Variants in GDPD5 observed in about 807,000 individuals in gnomAD.
GDPD5 encodes the protein glycerophosphodiester phosphodiesterase 2.
In GDPD5, 48 loss-of-function variants were observed where a neutral mutation model predicts 75.1. The observed-to-expected ratio is 0.64, with a 90% CI of 0.51 to 0.81. The LOEUF is 0.81. Ranked by LOEUF, GDPD5 falls within the 40% of genes least tolerant of loss-of-function variation. The probability of loss-of-function intolerance (pLI) is 0.00; values close to 1 mark genes in which losing one functional copy is unlikely to be tolerated. For synonymous variants in GDPD5, 336 were observed against 339.0 expected (o/e 0.99, Z 0.10); for missense variants, 706 against 822.6 (o/e 0.86, Z 1.73).
chr11:75,521,279 ACCTTGT>A (rs1941445234), intron 1 of GDPD5, among the ~76,000 whole-genome samples: 1 of 152,168 alleles, frequency 6.6e-6, no homozygotes, highest in Admixed American at 6.5e-5. Context: ...TTGAGAAAAA[ACCTTGT>A]CCAGGCTTTT....
chr11:75,441,003 T>G (rs978473389), intron 14 of GDPD5, among the ~76,000 whole-genome samples, 160 bp downstream of exon 14: 1 of 152,174 alleles, frequency 6.6e-6, no homozygotes, highest in Non-Finnish European at 1.5e-5. Context: ...CCAGATGCCA[T>G]GAAACCCTCA....
At chr11:75,450,123 C>G (rs1278007168) in intron 6 of GDPD5, 140 bp from the exon 7 acceptor site, 2 of 653,522 alleles carry the variant, frequency 3.1e-6, no homozygotes, top group Non-Finnish European at 5.3e-6. Context: ...AGGAAAGAGA[C>G]AGGCATGGGC....
At chr11:75,480,397 GC>G (rs955111650) in intron 2 of GDPD5, among the ~76,000 whole-genome samples, 3 of 151,774 alleles carry the variant, frequency 2.0e-5, no homozygotes, top group African/African-American at 7.3e-5. Context: ...TTGCTCTGTT[GC>G]CCAAGCTGGT....
chr11:75,524,630 C>A (rs1941592686), intron 1 of GDPD5, among the ~76,000 whole-genome samples: 1 of 152,198 alleles, frequency 6.6e-6, no homozygotes, highest in Admixed American at 6.5e-5. Context: ...CAGATAAGCA[C>A]GTCTCAGGAC....
chr11:75,493,229 T>TCACA (rs71036055), intron 1 of GDPD5, among the ~76,000 whole-genome samples: 7,315 of 140,702 alleles, frequency 0.052, 316 homozygotes, highest in African/African-American at 0.11. Context: ...CCCACACATC[T>TCACA]CACACACACA....
Position 75,468,318 on chromosome 11 carries a change from C to T in GDPD5, c.118-5429G>A, listed in dbSNP as rs186870522. ...TGCCTGTCCCCTTGCCCTGAGGCAG[C>T]GAGCGTGTCTGCAGCCTCCAGGACA... On this transcript the variant is annotated intron_variant, in intron 3 of 16. Transcript: ENST00000336898. 1.8e-4 allele frequency among the ~76,000 whole-genome samples: 28 copies of T among 152,270 alleles called. No homozygotes were observed. The East Asian group carries it at 3.5e-3, about 19-fold the overall frequency.
At chr11:75,496,779 C>CTTTTTTTTTT (rs544914858) in intron 1 of GDPD5, among the ~76,000 whole-genome samples, 3 of 103,132 alleles carry the variant, frequency 2.9e-5, no homozygotes, top group South Asian at 3.3e-4. Context: ...TTCTTTCTTT[C>CTTTTTTTTTT]TTTTTTTTTT....
At position 75,442,400 on chromosome 11, in the gene GDPD5, A is replaced by G. The variant is rs758804960; in HGVS notation, c.1130T>C (p.Leu377Pro). 1 of 1,589,942 alleles carries G rather than the reference A, an allele frequency of 6.3e-7. No individual in the cohort carries two copies. Among genetic ancestry groups the G allele is most frequent in the Admixed American group, 1.8e-5 (1 of 56,176 alleles). The change falls in exon 12 of 17, where the codon CTG becomes CCG. Residue 377 changes from leucine to proline, a missense_variant. By Grantham distance (98) the Leu-to-Pro change is moderately conservative (BLOSUM62 -3). Transcript: ENST00000336898. ...PYRSSFINVT[L>P]EAVLHSGFPQ... ...GAAGCCGGAGTGCAGCACGGCCTCC[A>G]GAGTCACGTTGATAAAACTGCTGCG...
intron 10 of GDPD5, among the ~76,000 whole-genome samples, chr11:75,444,122 T>A (rs1948916699): frequency 6.6e-6 from 1 of 152,250 alleles, no homozygotes; most frequent in Admixed American, 6.5e-5. Flanking sequence ...AATGTATCAC[T>A]CTGCAACTTG....
intron 1 of GDPD5, among the ~76,000 whole-genome samples, chr11:75,496,495 C>T (rs754823775): frequency 6.6e-6 from 1 of 152,182 alleles, no homozygotes; most frequent in Non-Finnish European, 1.5e-5. Flanking sequence ...TGGGACCTGC[C>T]CAGATCCCCT....
At chr11:75,463,738 T>C (rs1463489488) in intron 3 of GDPD5, among the ~76,000 whole-genome samples, 1 of 152,212 alleles carries the variant, frequency 6.6e-6, no homozygotes, top group Non-Finnish European at 1.5e-5. Flanking sequence ...GCTATGTTTC[T>C]AAACCATCCC....
chr11:75,508,724 G>A (rs1448001971), intron 1 of GDPD5, among the ~76,000 whole-genome samples: 1 of 152,162 alleles, frequency 6.6e-6, no homozygotes, highest in African/African-American at 2.4e-5. Flanking sequence ...GCGGAGGGAG[G>A]ATCTGTGATG....
At chr11:75,454,632 C>A (rs1003286322) in intron 6 of GDPD5, among the ~76,000 whole-genome samples, 1 of 152,160 alleles carries the variant, frequency 6.6e-6, no homozygotes, top group Non-Finnish European at 1.5e-5. Context: ...GGATGGATAC[C>A]AACAGGGATG....
intron 16 of GDPD5, among the ~76,000 whole-genome samples, chr11:75,436,661 C>G (rs1407453446): frequency 6.6e-6 from 1 of 152,180 alleles, no homozygotes; most frequent in Non-Finnish European, 1.5e-5. Context: ...ACTCCTCTCC[C>G]TACCCCACCC....
At chr11:75,516,798 C>T (rs1197366456) in intron 1 of GDPD5, among the ~76,000 whole-genome samples, 1 of 152,216 alleles carries the variant, frequency 6.6e-6, no homozygotes, top group African/African-American at 2.4e-5. Context: ...ACAACTCGTG[C>T]TCAAAGAGAT....
chr11:75,441,769 A>G lies in GDPD5; in HGVS notation c.1202T>C (p.Val401Ala). ...MWLPSRQRPL[V>A]RKVAPGFQQT... Reference sequence around the variant, plus strand: ...TTGGAAGCCGGGAGCCACCTTCCGCACCAGGGGCCTCTGCCTGCTAGGCAG... The same window carrying G: ...TTGGAAGCCGGGAGCCACCTTCCGCGCCAGGGGCCTCTGCCTGCTAGGCAG... Residue 401 changes from valine to alanine, a missense_variant, in exon 13 of 17, where the codon GTG (valine) becomes GCG (alanine). Physicochemically the swap from Val to Ala is moderately conservative, Grantham distance 64. Transcript: ENST00000336898. 3 of 1,610,724 alleles carry G rather than the reference A, an allele frequency of 1.9e-6. No homozygotes were observed. The highest frequency in any genetic ancestry group is 2.5e-6 in the Non-Finnish European group (3 of 1,179,840).
intron 3 of GDPD5, among the ~76,000 whole-genome samples, chr11:75,465,296 G>A (rs1444606823): frequency 6.6e-6 from 1 of 152,156 alleles, no homozygotes; most frequent in African/African-American, 2.4e-5. Context: ...TCACACAGCT[G>A]GAGCCTCCAT....
At position 75,509,805 on chromosome 11, in the gene GDPD5, G is replaced by A. The variant is rs534553010; in HGVS notation, c.-145+15405C>T. Among the ~76,000 whole-genome samples, 14 of 152,220 alleles carry A rather than the reference G, an allele frequency of 9.2e-5. No homozygotes were observed. In the East Asian group the frequency reaches 1.4e-3, roughly 15 times the overall value. ...AGCGATTCTCCTGCCTCAGCCTCCC[G>A]AGGAGCTGGGATTACAGGCACGCAC... is the stretch of plus-strand genomic sequence containing the variant. On this transcript the variant is annotated intron_variant, in intron 1 of 16. Coordinates refer to ENST00000336898, the MANE Select transcript of GDPD5 (RefSeq NM_030792.8).
chr11:75,474,417 T>C (rs1949736424), intron 3 of GDPD5, among the ~76,000 whole-genome samples: 1 of 152,182 alleles, frequency 6.6e-6, no homozygotes, highest in South Asian at 2.1e-4. Flanking sequence ...ATTAGAGTAA[T>C]GAGTCACAGA....
Sources: gnomAD v4.1 joint callset for allele counts (sites outside exome capture counted in the v4.1 genomes callset) on GRCh38, gnomAD v4.1.1 for gene constraint, MANE v1.5 for transcripts, NCBI Gene and HGNC (gene_info 2026-07-23, HGNC 2026-07-21) for gene names.